The following DPP9 variants were observed in gnomAD, a reference collection of about 807,000 sequenced individuals.
The protein encoded by DPP9 is dipeptidyl peptidase IV-related protein-2.
Under a neutral mutation model 110.7 loss-of-function variants are expected in DPP9, and 50 were observed. The ratio of observed to expected loss-of-function variants is 0.45; its 90% CI spans 0.36 to 0.57. DPP9 has a LOEUF of 0.57. DPP9 is among the 20% of genes least tolerant of loss of function. DPP9 has a pLI of 0.00. For synonymous variants in DPP9, 561 were observed against 514.4 expected (o/e 1.09, Z -1.23); for missense variants, 1,022 against 1,217.9 (o/e 0.84, Z 2.39).
At chr19:4,719,666 C>T in intron 3 of DPP9, 185 bp downstream of exon 3, 1 of 695,680 alleles carries the variant, frequency 1.4e-6, no homozygotes, top group South Asian at 1.8e-5. Flanking sequence ...GTCCACAGTG[C>T]CGAGGGGGAG....
rs975723881 is a variant in DPP9, at chr19:4,675,967, T to C, written c.*597A>G. Reference sequence around the variant, plus strand: ...TTTGTATTTTTAGTAGAGACGGGGTTTCCCCATGTTGGCCAGGCTGGTCTT... The same window carrying C: ...TTTGTATTTTTAGTAGAGACGGGGTCTCCCCATGTTGGCCAGGCTGGTCTT... On this transcript the variant is annotated 3_prime_UTR_variant, in exon 22 of 22. Transcript: ENST00000262960. 39 of 152,656 alleles carry C rather than the reference T, an allele frequency of 2.6e-4. No individual in the cohort carries two copies. Among genetic ancestry groups the C allele is most frequent in the Admixed American group, 2.1e-3 (32 of 15,308 alleles). The allele number at this position is 152,656 out of a possible 1,614,324, so 9.5% of individuals were successfully genotyped here. A position where few individuals can be genotyped will look rare whatever the true frequency, so the allele number is the denominator to read the frequency against.
intron 4 of DPP9, among the ~76,000 whole-genome samples, chr19:4,711,064 G>A (rs1302664315): frequency 5.9e-5 from 9 of 152,158 alleles, no homozygotes; most frequent in Non-Finnish European, 2.9e-5. Flanking sequence ...GCTAGAACCT[G>A]AGGCATGGAA....
At position 4,677,059 on chromosome 19, in the gene DPP9, C is replaced by T. The variant is rs141991967; in HGVS notation, c.2587-403G>A. On this transcript the variant is annotated intron_variant, in intron 21 of 21. Coordinates refer to ENST00000262960, the MANE Select transcript of DPP9 (RefSeq NM_139159.5). ...GTGCCCTGGTCTCGAGCCATTTCCA[C>T]TTTACCAAAAGGCATGTGACTAGCT... 3.4e-3 allele frequency among the ~76,000 whole-genome samples: 517 copies of T among 152,310 alleles called. 5 individuals are homozygous for T. Among genetic ancestry groups the T allele is most frequent in the African/African-American group, 0.012 (483 of 41,572 alleles).
rs758746590 is a variant in DPP9, at chr19:4,704,318, G to A, written c.427-14C>T. ...GTGGGGCGTGGCCTGGAAACATACA[G>A]GGGACAGGGGGCAGCGTCAGTGGGC... On this transcript the variant is annotated splice_polypyrimidine_tract_variant and intron_variant, in intron 5 of 21. Transcript: ENST00000262960. This position sits in a 1 kb window ranked among gnomAD's most constrained non-coding sequence, Gnocchi z 6.0. The A allele has an allele frequency of 4.6e-5, 74 of 1,598,068 alleles. No individual in the cohort carries two copies. The highest frequency in any genetic ancestry group is 1.0e-4 in the Admixed American group (6 of 59,662).
intron 10 of DPP9, 60 bp from the exon 11 acceptor site, chr19:4,697,711 G>A (rs1185501544): frequency 2.8e-5 from 39 of 1,412,930 alleles, no homozygotes; most frequent in Non-Finnish European, 3.7e-5. Flanking sequence ...GCTCGGAGGA[G>A]AAGGCCACTG....
chr19:4,676,558 G>A lies in DPP9; in HGVS notation c.*6C>T. 7 of 1,587,710 alleles carry A rather than the reference G, an allele frequency of 4.4e-6. No homozygotes were observed. Among genetic ancestry groups the A allele is most frequent in the Non-Finnish European group, 6.0e-6 (7 of 1,167,934 alleles). Reference sequence around the variant, plus strand: ...GCTGTGATGTGGCGGCTCCCGGTGGGCAGGCTCAGAGGTATTCCTGTAGAA... The same window carrying A: ...GCTGTGATGTGGCGGCTCCCGGTGGACAGGCTCAGAGGTATTCCTGTAGAA... On this transcript the variant is annotated 3_prime_UTR_variant, in exon 22 of 22. Transcript: ENST00000262960. This position sits in a 1 kb window ranked among gnomAD's most constrained non-coding sequence, Gnocchi z 4.0.
chr19:4,698,516 C>G lies in DPP9; in HGVS notation c.1075-865G>C, dbSNP rs530584714. ...CCTGTAATCCCAGCACCTTGAGAGG[C>G]TGAGGCAGGTGGATCACTTGAGGTC... On this transcript the variant is annotated intron_variant, in intron 10 of 21. Coordinates refer to ENST00000262960, the MANE Select transcript of DPP9 (RefSeq NM_139159.5). The surrounding 1 kb of genome is among the most constrained non-coding windows in gnomAD (Gnocchi z 4.2). 6.6e-6 allele frequency among the ~76,000 whole-genome samples: 1 copy of G among 152,276 alleles called. No individual in the cohort carries two copies. Among genetic ancestry groups the G allele is most frequent in the African/African-American group, 2.4e-5 (1 of 41,562 alleles).
intron 20 of DPP9, among the ~76,000 whole-genome samples, chr19:4,681,971 C>T (rs906305873): frequency 6.6e-6 from 1 of 151,648 alleles, no homozygotes; most frequent in Admixed American, 6.6e-5. Flanking sequence ...GCCTCAGCCT[C>T]CCATATAGCT....
chr19:4,722,458 C>A, intron 2 of DPP9, 41 bp downstream of exon 2: 1 of 702,312 alleles, frequency 1.4e-6, no homozygotes, highest in Non-Finnish European at 2.6e-6. Context: ...CACCAGCCCA[C>A]ACCCCAGCCT....
At position 4,693,750 on chromosome 19, in the gene DPP9, C is replaced by T. The variant is rs1460310310; in HGVS notation, c.1516+911G>A. On this transcript the variant is annotated intron_variant, in intron 13 of 21. Transcript: ENST00000262960. This position sits in a 1 kb window ranked among gnomAD's most constrained non-coding sequence, Gnocchi z 5.0. Reference sequence around the variant, plus strand: ...GAGGGTGACGACTTCCTATTTCTCTCGGGGTCAAAGCCCAAGTCCTCCTGG... The same window carrying T: ...GAGGGTGACGACTTCCTATTTCTCTTGGGGTCAAAGCCCAAGTCCTCCTGG... 1.3e-5 allele frequency among the ~76,000 whole-genome samples: 2 copies of T among 152,024 alleles called. No homozygotes were observed. The highest frequency in any genetic ancestry group is 2.9e-5 in the Non-Finnish European group (2 of 67,932).
chr19:4,683,417 C>T (rs779741230), intron 19 of DPP9, 60 bp downstream of exon 19: 28 of 1,602,492 alleles, frequency 1.7e-5, no homozygotes, highest in South Asian at 1.7e-4. Flanking sequence ...GCAAACGCGG[C>T]GTAGATGGGG....
chr19:4,686,003 C>T, intron 16 of DPP9: 1 of 478,698 alleles, frequency 2.1e-6, no homozygotes, highest in Non-Finnish European at 3.7e-6. Flanking sequence ...GTCTCGACTT[C>T]CTGGCCTCAA....
In DPP9 at chr19:4,689,766, C is replaced by T. The variant is rs1476202447; in HGVS notation, c.1597-44G>A. The T allele has an allele frequency of 2.6e-6, 4 of 1,520,502 alleles. No individual in the cohort carries two copies. Among genetic ancestry groups the T allele is most frequent in the Non-Finnish European group, 3.5e-6 (4 of 1,127,906 alleles). 94.2% of individuals were successfully genotyped at this position (1,520,502 alleles called of 1,614,324 possible). On this transcript the variant is annotated intron_variant, in intron 14 of 21. Transcript: ENST00000262960. This position sits in a 1 kb window ranked among gnomAD's most constrained non-coding sequence, Gnocchi z 7.0. The stretch of plus-strand genomic sequence containing the variant: ...TCCTCGTGATGCGTCCCAGATGCCC[C>T]TGGGCCCACACCCCTCTCCACGCCC...
At chr19:4,708,318 C>A (rs1042739381) in intron 4 of DPP9, among the ~76,000 whole-genome samples, 3 of 152,190 alleles carry the variant, frequency 2.0e-5, no homozygotes, top group African/African-American at 7.2e-5. Context: ...TGAAGCCCAC[C>A]CTGCACCGAA....
chr19:4,720,898 G>T (rs1284692590), intron 2 of DPP9, among the ~76,000 whole-genome samples: 1 of 152,192 alleles, frequency 6.6e-6, no homozygotes, highest in Non-Finnish European at 1.5e-5. Context: ...AAACGAGGGG[G>T]ACCCCCAGCT....
chr19:4,679,301 GC>G, intron 21 of DPP9: 1 of 85,236 alleles, frequency 1.2e-5, no homozygotes, highest in Middle Eastern at 4.5e-3. Context: ...CAGAAGCCCC[GC>G]CCACCTAGAC....
Position 4,684,568 on chromosome 19 carries a change from G to A in DPP9, c.2178+95C>T. ...AGCCAGAAGTGCCCTTCTGCGGGTGGTATTCCAGAGCCGCTCCCATGCCCT... is the reference window on the plus strand; with the variant it reads ...AGCCAGAAGTGCCCTTCTGCGGGTGATATTCCAGAGCCGCTCCCATGCCCT... On this transcript the variant is annotated intron_variant, in intron 18 of 21. Coordinates refer to ENST00000262960, the MANE Select transcript of DPP9 (RefSeq NM_139159.5). The surrounding 1 kb of genome is among the most constrained non-coding windows in gnomAD (Gnocchi z 4.8). 1 of 1,446,750 alleles carries A rather than the reference G, an allele frequency of 6.9e-7. No homozygotes were observed. Among genetic ancestry groups the A allele is most frequent in the African/African-American group, 1.4e-5 (1 of 69,804 alleles). The allele number at this position is 1,446,750 out of a possible 1,614,324, so 89.6% of individuals were successfully genotyped here. A position where few individuals can be genotyped will look rare whatever the true frequency, so the allele number is the denominator to read the frequency against.
intron 4 of DPP9, among the ~76,000 whole-genome samples, chr19:4,707,782 C>T (rs759084248): frequency 2.6e-5 from 4 of 151,908 alleles, no homozygotes; most frequent in Non-Finnish European, 5.9e-5. Context: ...CCCACCACCA[C>T]ACCCGGCTAA....
rs1026315402 is a variant in DPP9 at position 4,695,186 on chromosome 19, A to G, written c.1353+192T>C. ...AAAATAGATGAGGGGAGAGGCTCCA[A>G]TGGCTGCCAGACTCACCAACCCCCC... On this transcript the variant is annotated intron_variant, in intron 12 of 21. Transcript: ENST00000262960. The surrounding 1 kb of genome is among the most constrained non-coding windows in gnomAD (Gnocchi z 4.7). 1 of 606,152 alleles carries G rather than the reference A, an allele frequency of 1.6e-6. No homozygotes were observed. The highest frequency in any genetic ancestry group is 2.8e-6 in the Non-Finnish European group (1 of 356,696). 37.5% of individuals were successfully genotyped at this position (606,152 alleles called of 1,614,324 possible).
Sources: allele counts gnomAD v4.1 joint callset (sites outside exome capture counted in the v4.1 genomes callset), GRCh38; gene constraint gnomAD v4.1.1; non-coding constraint Gnocchi (gnomAD v3.1); transcripts MANE v1.5; gene names NCBI Gene and HGNC (gene_info 2026-07-23, HGNC 2026-07-21).